The following GRB14 variants were observed in gnomAD, a reference collection of about 807,000 sequenced individuals.
GRB14 encodes the protein growth factor receptor bound protein 14, also known as growth factor receptor-bound protein 14.
Under a neutral mutation model 69.1 loss-of-function variants are expected in GRB14, and 38 were observed. The observed-to-expected ratio is 0.55, with a 90% CI of 0.42 to 0.72. The LOEUF is 0.72. Among genes scored for constraint, GRB14 ranks in the 30% least tolerant of loss-of-function variants. The pLI is 0.00. For missense variants in GRB14, 666 were observed against 666.1 expected (o/e 1.00, Z 0.00); for synonymous variants, 247 against 241.3 (o/e 1.02, Z -0.22).
chr2:164,556,758 A>G (rs548378775), intron 2 of GRB14, among the ~76,000 whole-genome samples: 1 of 152,298 alleles, frequency 6.6e-6, no homozygotes, highest in East Asian at 1.9e-4. Context: ...GTGTGCAACT[A>G]TAATTACTAC....
intron 2 of GRB14, among the ~76,000 whole-genome samples, chr2:164,598,353 A>C (rs1689835872): frequency 6.6e-6 from 1 of 152,206 alleles, no homozygotes; most frequent in Non-Finnish European, 1.5e-5. Context: ...ATGCATTCCA[A>C]GCTCCCAAAT....
intron 2 of GRB14, among the ~76,000 whole-genome samples, chr2:164,577,723 T>C (rs1326849417): frequency 6.6e-6 from 1 of 152,188 alleles, no homozygotes; most frequent in Non-Finnish European, 1.5e-5. Flanking sequence ...AAAAAGGTGC[T>C]GACAGACTCG....
intron 2 of GRB14, chr2:164,573,832 A>T: frequency 6.2e-7 from 1 of 1,612,898 alleles, no homozygotes. Flanking sequence ...TGACTCCAGA[A>T]GAAGCTGAAA....
Position 164,502,307 on chromosome 2 carries a change from A to AT in GRB14, c.1051dup (p.Met351AsnfsTer7). 6.2e-7 allele frequency: 1 copy of AT among 1,604,810 alleles called. No homozygotes were observed. Among genetic ancestry groups the AT allele is most frequent in the Non-Finnish European group, 8.5e-7 (1 of 1,172,076 alleles). On this transcript the variant is annotated frameshift_variant, in exon 9 of 14. Coordinates refer to ENST00000263915, the MANE Select transcript of GRB14 (RefSeq NM_004490.3). LOFTEE classifies it high-confidence loss of function. ...GCCACTTCTACCTTGATATGGATGC[A>AT]TATAATTCTGGTACAGCTGCATGCC...
At chr2:164,495,235 C>T (rs903795148) in intron 12 of GRB14, among the ~76,000 whole-genome samples, 1 of 151,982 alleles carries the variant, frequency 6.6e-6, no homozygotes, top group Non-Finnish European at 1.5e-5. Context: ...AGCCACCACG[C>T]CTGGCCTGAA....
intron 2 of GRB14, among the ~76,000 whole-genome samples, chr2:164,572,980 G>A (rs1259226838): frequency 1.3e-5 from 2 of 152,098 alleles, no homozygotes; most frequent in Admixed American, 1.3e-4. Flanking sequence ...TCATTGCCTA[G>A]CTAGGTTCAT....
At chr2:164,516,622 A>G (rs904681004) in intron 6 of GRB14, among the ~76,000 whole-genome samples, 1 of 152,194 alleles carries the variant, frequency 6.6e-6, no homozygotes, top group Non-Finnish European at 1.5e-5. Context: ...TTTTGTATCC[A>G]GCGAAACTAA....
chr2:164,530,158 T>C (rs1687886256), intron 3 of GRB14, among the ~76,000 whole-genome samples: 1 of 152,128 alleles, frequency 6.6e-6, no homozygotes, highest in Non-Finnish European at 1.5e-5. Flanking sequence ...ACAGGAAGCA[T>C]GGTAGCAGCA....
At chr2:164,571,927 C>A (rs1689133507) in intron 2 of GRB14, among the ~76,000 whole-genome samples, 1 of 152,204 alleles carries the variant, frequency 6.6e-6, no homozygotes, top group Non-Finnish European at 1.5e-5. Context: ...TAAAATGTCA[C>A]ATTCATACAG....
chr2:164,591,892 T>C (rs59552259), intron 2 of GRB14, among the ~76,000 whole-genome samples: 5,912 of 152,136 alleles, frequency 0.039, 221 homozygotes, highest in African/African-American at 0.096. Context: ...TGGGAGATAA[T>C]TGAATCATGG....
At chr2:164,501,560 T>C (rs139309678) in intron 9 of GRB14, among the ~76,000 whole-genome samples, 7 of 152,210 alleles carry the variant, frequency 4.6e-5, no homozygotes, top group Middle Eastern at 3.4e-3. Flanking sequence ...AAATTAAAAT[T>C]AGATCCTAAA....
At chr2:164,541,837 G>T (rs954812738) in intron 3 of GRB14, among the ~76,000 whole-genome samples, 1 of 152,086 alleles carries the variant, frequency 6.6e-6, no homozygotes, top group African/African-American at 2.4e-5. Context: ...TCGACAGTTA[G>T]TTTTTCAACC....
chr2:164,551,902 T>C (rs574667720), intron 2 of GRB14, among the ~76,000 whole-genome samples: 13 of 152,356 alleles, frequency 8.5e-5, no homozygotes, highest in Admixed American at 6.5e-4. Flanking sequence ...ATTCGGCTCA[T>C]GGTTCTGCAG....
rs375644043 is a variant in GRB14 at position 164,497,299 on chromosome 2, G to A, written c.1222-16C>T. 7 of 1,610,972 alleles carry A rather than the reference G, an allele frequency of 4.3e-6. No individual in the cohort carries two copies. Among genetic ancestry groups the A allele is most frequent in the African/African-American group, 2.7e-5 (2 of 74,734 alleles). On this transcript the variant is annotated splice_polypyrimidine_tract_variant and intron_variant, in intron 10 of 13. Transcript: ENST00000263915. ...ATCCTTTTTTCTGAGCAAGGAAGGA[G>A]AAAACAAATCTCAAGTTTTTAGGTG...
chr2:164,615,346 G>GA (rs985230265), intron 2 of GRB14, among the ~76,000 whole-genome samples: 2 of 152,082 alleles, frequency 1.3e-5, no homozygotes, highest in Admixed American at 6.5e-5. Context: ...AAAGCTAGAA[G>GA]AAAAAACGTA....
intron 2 of GRB14, among the ~76,000 whole-genome samples, chr2:164,585,810 CCAGTCAGCTCTTTTTAAAAA>C (rs964654493): frequency 1.3e-5 from 2 of 152,090 alleles, no homozygotes; most frequent in African/African-American, 4.8e-5. Context: ...GTTTTGGTCA[CCAGTCAGCTCTTTTTAAAAA>C]CAAAAACAAA....
In GRB14 at chr2:164,522,112, A is replaced by C. The variant is rs1205710057; in HGVS notation, c.684T>G (p.Phe228Leu). The change falls in exon 6 of 14, where the codon TTT becomes TTG. Residue 228 changes from phenylalanine (F) to leucine (L), a missense_variant. Physicochemically the swap from Phe to Leu is conservative, Grantham distance 22. Transcript: ENST00000263915. ...TTTCAGGATATGTGCTTGAACTCAG[A>C]AACATCTGAAAGAAAATTTATATAT... ...EISPTQILQM[F>L]LSSSTYPEIH... 6.4e-7 allele frequency: 1 copy of C among 1,556,612 alleles called. No individual in the cohort carries two copies. The highest frequency in any genetic ancestry group is 8.8e-7 in the Non-Finnish European group (1 of 1,142,680).
Position 164,492,719 on chromosome 2 carries a change from G to A in GRB14, c.*317C>T, listed in dbSNP as rs1317044693. On this transcript the variant is annotated 3_prime_UTR_variant, in exon 14 of 14. Coordinates refer to ENST00000263915, the MANE Select transcript of GRB14 (RefSeq NM_004490.3). Reference sequence around the variant, plus strand: ...ATATTTTGTGTTTCAGAATTCTGATGTTGCTATATGGTAAATAAGGGAGAC... The same window carrying A: ...ATATTTTGTGTTTCAGAATTCTGATATTGCTATATGGTAAATAAGGGAGAC... 1 of 186,760 alleles carries A rather than the reference G, an allele frequency of 5.4e-6. No individual in the cohort carries two copies. Among genetic ancestry groups the A allele is most frequent in the African/African-American group, 2.3e-5 (1 of 42,878 alleles). The allele number at this position is 186,760 out of a possible 1,614,324, so 11.6% of individuals were successfully genotyped here. A position where few individuals can be genotyped will look rare whatever the true frequency, so the allele number is the denominator to read the frequency against.
At chr2:164,493,473 A>G (rs1157791924) in intron 13 of GRB14, among the ~76,000 whole-genome samples, 1 of 152,202 alleles carries the variant, frequency 6.6e-6, no homozygotes, top group African/African-American at 2.4e-5. Flanking sequence ...AAAGAAATCT[A>G]CAATATTCAG....
Sources: gnomAD v4.1 joint callset for allele counts (sites outside exome capture counted in the v4.1 genomes callset) on GRCh38, gnomAD v4.1.1 for gene constraint, MANE v1.5 for transcripts, NCBI Gene and HGNC (gene_info 2026-07-23, HGNC 2026-07-21) for gene names.